The following RIC1 variants were observed in gnomAD, a reference collection of about 807,000 sequenced individuals.
RIC1 encodes the protein guanine nucleotide exchange factor subunit RIC1.
In RIC1, 88 loss-of-function variants were observed where a neutral mutation model predicts 169.0. That is an observed-to-expected ratio of 0.52 (90% CI 0.44 to 0.62). RIC1 has a LOEUF of 0.62. RIC1 is among the 20% of genes least tolerant of loss of function. The pLI is 0.00. For synonymous variants in RIC1, 790 were observed against 601.5 expected (o/e 1.31, Z -4.59); for missense variants, 1,877 against 1,725.5 (o/e 1.09, Z -1.56).
chr9:5,693,584 A>G (rs1821712738), intron 3 of RIC1, among the ~76,000 whole-genome samples: 1 of 152,182 alleles, frequency 6.6e-6, no homozygotes, highest in Non-Finnish European at 1.5e-5. Context: ...GGACCAGACT[A>G]GTTGAAGGTT....
intron 2 of RIC1, among the ~76,000 whole-genome samples, chr9:5,682,670 G>T (rs998124251): frequency 6.6e-6 from 1 of 151,988 alleles, no homozygotes; most frequent in African/African-American, 2.4e-5. Context: ...TATCTTTGTG[G>T]CGTTCTCTGT....
chr9:5,736,299 AATGACAG>A (rs1437014154), intron 7 of RIC1, among the ~76,000 whole-genome samples: 1 of 152,212 alleles, frequency 6.6e-6, no homozygotes, highest in African/African-American at 2.4e-5. Flanking sequence ...GGTATGATTG[AATGACAG>A]ATGACATTTT....
At position 5,629,263 on chromosome 9, in the gene RIC1, T is replaced by C; in HGVS notation, c.-47T>C. 7.0e-7 allele frequency: 1 copy of C among 1,422,752 alleles called. No homozygotes were observed. The highest frequency in any genetic ancestry group is 1.4e-5 in the South Asian group (1 of 72,002). 88.1% of individuals were successfully genotyped at this position (1,422,752 alleles called of 1,614,324 possible). A position where few individuals can be genotyped will look rare whatever the true frequency, so the allele number is the denominator to read the frequency against. On this transcript the variant is annotated 5_prime_UTR_variant, in exon 1 of 26. It removes the in-frame stop codon of an upstream open reading frame in the 5' UTR. Coordinates refer to ENST00000414202, the MANE Select transcript of RIC1 (RefSeq NM_020829.4). ...AGGTGGGCGACCAGCCCGGGGCCGC[T>C]GAGTGTGACGGACGCAACTGGGGGC...
chr9:5,665,738 G>T lies in RIC1; in HGVS notation c.252+9048G>T, dbSNP rs112233030. On this transcript the variant is annotated intron_variant, in intron 2 of 25. Coordinates refer to ENST00000414202, the MANE Select transcript of RIC1 (RefSeq NM_020829.4). ...GTCTACTCCAGACCCTAGTTGCCTC[G>T]ATTTTTCCTGTACCTGGAGGTATCA... Among the ~76,000 whole-genome samples, 210 of 152,134 alleles carry T rather than the reference G, an allele frequency of 1.4e-3. 2 individuals are homozygous for T. The highest frequency in any genetic ancestry group is 4.9e-3 in the African/African-American group (202 of 41,506).
chr9:5,636,043 T>C (rs1586856598), intron 1 of RIC1, among the ~76,000 whole-genome samples: 2 of 152,258 alleles, frequency 1.3e-5, no homozygotes, highest in East Asian at 3.8e-4. Context: ...ATTCATGGGC[T>C]ATTGTGGTTT....
At chr9:5,646,343 A>G (rs906474671) in intron 1 of RIC1, among the ~76,000 whole-genome samples, 10 of 152,138 alleles carry the variant, frequency 6.6e-5, no homozygotes, top group Non-Finnish European at 1.3e-4. Context: ...TAATACAGTT[A>G]TGCTCCATGT....
intron 4 of RIC1, among the ~76,000 whole-genome samples, 174 bp from the exon 5 acceptor site, chr9:5,720,008 A>G (rs372303658): frequency 3.9e-5 from 6 of 152,176 alleles, no homozygotes; most frequent in Non-Finnish European, 8.8e-5. Flanking sequence ...CATTTCTTTC[A>G]GGATTTCTGA....
chr9:5,691,553 G>T (rs1159853583), intron 3 of RIC1, among the ~76,000 whole-genome samples: 1 of 151,780 alleles, frequency 6.6e-6, no homozygotes, highest in African/African-American at 2.4e-5. Flanking sequence ...TAAATATAGT[G>T]CAAAATGATA....
intron 6 of RIC1, among the ~76,000 whole-genome samples, chr9:5,726,442 T>A (rs972406791): frequency 2.0e-5 from 3 of 152,234 alleles, no homozygotes; most frequent in Admixed American, 6.5e-5. Flanking sequence ...TGAGCCTATG[T>A]GTGTCTCTGC....
intron 2 of RIC1, among the ~76,000 whole-genome samples, chr9:5,672,550 T>C (rs1175417811): frequency 2.0e-5 from 3 of 152,146 alleles, no homozygotes; most frequent in Non-Finnish European, 4.4e-5. Context: ...AGAAATAAAA[T>C]TATTTTTGAA....
At chr9:5,666,991 A>AG (rs1386853157) in intron 2 of RIC1, among the ~76,000 whole-genome samples, 2 of 151,734 alleles carry the variant, frequency 1.3e-5, no homozygotes, top group Non-Finnish European at 2.9e-5. Context: ...CTTTTTTCTT[A>AG]ACTTACCTAG....
intron 22 of RIC1, chr9:5,769,541 A>G (rs566176033): frequency 9.4e-7 from 1 of 1,065,282 alleles, no homozygotes; most frequent in South Asian, 1.7e-5. Flanking sequence ...AAAAGCTACC[A>G]TGCTTATGTT....
chr9:5,698,395 T>C (rs1822030302), intron 3 of RIC1, among the ~76,000 whole-genome samples: 1 of 152,340 alleles, frequency 6.6e-6, no homozygotes, highest in South Asian at 2.1e-4. Context: ...ACCCATCCCA[T>C]AGAAACATTT....
At chr9:5,657,694 T>G (rs1819182705) in intron 2 of RIC1, among the ~76,000 whole-genome samples, 1 of 152,138 alleles carries the variant, frequency 6.6e-6, no homozygotes. Flanking sequence ...TAGTCTGAAA[T>G]GTTCATATGA....
Position 5,683,847 on chromosome 9 carries a change from G to A in RIC1, c.253-6112G>A, listed in dbSNP as rs192506117. Reference sequence around the variant, plus strand: ...ACCTACTCAAGCCTCGGGAATGGCGGGCGCCCCTCCCCCAGCCTCGCTGCC... The same window carrying A: ...ACCTACTCAAGCCTCGGGAATGGCGAGCGCCCCTCCCCCAGCCTCGCTGCC... On this transcript the variant is annotated intron_variant, in intron 2 of 25. Coordinates refer to ENST00000414202, the MANE Select transcript of RIC1 (RefSeq NM_020829.4). Among the ~76,000 whole-genome samples, 550 of 152,304 alleles carry A rather than the reference G, an allele frequency of 3.6e-3. 2 individuals carry two copies. The highest frequency in any genetic ancestry group is 0.012 in the African/African-American group (508 of 41,580).
intron 2 of RIC1, among the ~76,000 whole-genome samples, chr9:5,662,760 ATT>A (rs1563878657): frequency 1.3e-5 from 2 of 151,934 alleles, no homozygotes; most frequent in African/African-American, 4.8e-5. Context: ...CAGTCTATGT[ATT>A]CTATTAATTT....
intron 3 of RIC1, among the ~76,000 whole-genome samples, chr9:5,690,931 C>G (rs1821556964): frequency 6.6e-6 from 1 of 151,508 alleles, no homozygotes; most frequent in African/African-American, 2.4e-5. Flanking sequence ...AGTAGTAACC[C>G]AAATAAAATA....
intron 3 of RIC1, among the ~76,000 whole-genome samples, chr9:5,702,699 C>T (rs555156310): frequency 1.5e-4 from 23 of 152,166 alleles, no homozygotes; most frequent in Admixed American, 9.2e-4. Context: ...CCGCCATGCC[C>T]GGCTAATTTT....
intron 2 of RIC1, among the ~76,000 whole-genome samples, chr9:5,686,029 C>T (rs1821199152): frequency 6.6e-6 from 1 of 151,930 alleles, no homozygotes; most frequent in Admixed American, 6.6e-5. Context: ...TGAAAAAATG[C>T]TCATCATCAC....
Sources: gnomAD v4.1 joint callset for allele counts (sites outside exome capture counted in the v4.1 genomes callset) on GRCh38, gnomAD v4.1.1 for gene constraint, MANE v1.5 for transcripts, NCBI Gene and HGNC (gene_info 2026-07-23, HGNC 2026-07-21) for gene names.